RBFOX1: variants seen among roughly 807,000 people sequenced by gnomAD.
RBFOX1 encodes the protein RNA binding protein fox-1 homolog 1.
A neutral mutation model predicts 57.7 loss-of-function variants in RBFOX1; 8 were observed. The observed-to-expected ratio is 0.14, with a 90% CI of 0.08 to 0.25. RBFOX1 has a LOEUF of 0.25. Among genes scored for constraint, RBFOX1 ranks in the 10% least tolerant of loss-of-function variants. The pLI is 1.00. For missense variants in RBFOX1, 611 were observed against 548.5 expected (o/e 1.11, Z -1.14); for synonymous variants, 326 against 222.4 (o/e 1.47, Z -4.15).
intron 4 of RBFOX1, among the ~76,000 whole-genome samples, chr16:7,298,292 T>TG (rs1555681333): frequency 2.7e-4 from 39 of 145,696 alleles, no homozygotes; most frequent in African/African-American, 6.8e-4. Context: ...TTTGTTTTTT[T>TG]TTTTTTTTTT....
rs189868935 is a variant in RBFOX1 at position 7,230,870 on chromosome 16, T to G, written c.27+178772T>G. 2.6e-5 allele frequency among the ~76,000 whole-genome samples: 4 copies of G among 152,336 alleles called. No homozygotes were observed. The East Asian group carries it at 7.7e-4, about 29-fold the overall frequency. On this transcript the variant is annotated intron_variant, in intron 4 of 15. Coordinates refer to ENST00000550418, the MANE Select transcript of RBFOX1 (RefSeq NM_018723.4). ...AGGGCAGCTCATTTTATTCCTGGAC[T>G]ATAGTTCCTCATTTTGTAGAAATCA...
chr16:7,291,560 G>C (rs945725382), intron 4 of RBFOX1, among the ~76,000 whole-genome samples: 1 of 152,144 alleles, frequency 6.6e-6, no homozygotes, highest in Non-Finnish European at 1.5e-5. Context: ...CAGCTTTCAA[G>C]ATTAAGTAAA....
chr16:7,540,750 A>G (rs17144033), intron 5 of RBFOX1, among the ~76,000 whole-genome samples: 19,176 of 152,210 alleles, frequency 0.13, 1,285 homozygotes, highest in African/African-American at 0.18. Flanking sequence ...GAGATTCTTC[A>G]CCGAAGGGAG....
intron 3 of RBFOX1, among the ~76,000 whole-genome samples, chr16:5,694,793 G>GTTTGTT (rs141188870): frequency 2.0e-5 from 3 of 150,290 alleles, no homozygotes; most frequent in East Asian, 4.0e-4. Context: ...GGGGAGTTGG[G>GTTTGTT]TTTGTTTTTG....
intron 3 of RBFOX1, among the ~76,000 whole-genome samples, chr16:6,759,307 C>G (rs1001892222): frequency 6.6e-6 from 1 of 152,064 alleles, no homozygotes; most frequent in Non-Finnish European, 1.5e-5. Context: ...CATGGCACCA[C>G]AGCTGGCTAA....
At chr16:6,532,958 G>C (rs917241662) in intron 2 of RBFOX1, among the ~76,000 whole-genome samples, 1 of 152,270 alleles carries the variant, frequency 6.6e-6, no homozygotes, top group South Asian at 2.1e-4. Context: ...CAGTCTCCCA[G>C]TGTCCCTGTG....
rs191058757 is a variant in RBFOX1 at position 5,397,351 on chromosome 16, G to A, written c.220-69865G>A. On this transcript the variant is annotated intron_variant, in intron 1 of 2. Transcript: ENST00000585867. ...AAAGCTCTGGATGGTCTTGGGCTCT[G>A]AGTGCTGGGATCAGCATTTACTAGA... Among the ~76,000 whole-genome samples the A allele has an allele frequency of 3.3e-5, 5 of 152,324 alleles. No individual in the cohort carries two copies. The East Asian group carries it at 7.7e-4, about 24-fold the overall frequency.
intron 2 of RBFOX1, among the ~76,000 whole-genome samples, chr16:6,429,976 C>T (rs1383675226): frequency 1.3e-5 from 2 of 152,004 alleles, no homozygotes; most frequent in Non-Finnish European, 2.9e-5. Context: ...GGTATGGTGA[C>T]ACATGCCTGT....
chr16:7,536,443 A>C (rs1412759960), intron 5 of RBFOX1, among the ~76,000 whole-genome samples: 1 of 152,018 alleles, frequency 6.6e-6, no homozygotes, highest in Non-Finnish European at 1.5e-5. Flanking sequence ...AAAATACAAA[A>C]ATTAGCCAGG....
At chr16:6,055,152 G>C (rs1225501889) in intron 1 of RBFOX1, among the ~76,000 whole-genome samples, 3 of 152,070 alleles carry the variant, frequency 2.0e-5, no homozygotes, top group African/African-American at 7.2e-5. Flanking sequence ...GTCATTTATA[G>C]TATTTTGGAA....
chr16:7,019,059 T>C (rs2094069738), intron 3 of RBFOX1, among the ~76,000 whole-genome samples: 2 of 152,122 alleles, frequency 1.3e-5, no homozygotes, highest in Admixed American at 6.6e-5. Flanking sequence ...TCCTAGTTTT[T>C]AGAAGTGTGT....
intron 5 of RBFOX1, among the ~76,000 whole-genome samples, chr16:7,566,834 G>A (rs2091798555): frequency 6.6e-6 from 1 of 152,032 alleles, no homozygotes; most frequent in Non-Finnish European, 1.5e-5. Context: ...ATCCTCCAGG[G>A]AGCTTGTGAA....
intron 3 of RBFOX1, among the ~76,000 whole-genome samples, chr16:5,773,062 T>C (rs774463473): frequency 1.3e-5 from 2 of 152,090 alleles, no homozygotes; most frequent in Non-Finnish European, 2.9e-5. Context: ...AGGACACCGT[T>C]GGGACTTTTG....
At chr16:5,336,941 C>CT (rs2064912012) in intron 1 of RBFOX1, among the ~76,000 whole-genome samples, 1 of 152,228 alleles carries the variant, frequency 6.6e-6, no homozygotes, top group Non-Finnish European at 1.5e-5. Flanking sequence ...CTCCTGGCTG[C>CT]ATCTGACAGC....
intron 2 of RBFOX1, among the ~76,000 whole-genome samples, chr16:6,530,846 C>A (rs754837532): frequency 6.6e-6 from 1 of 152,132 alleles, no homozygotes; most frequent in Middle Eastern, 3.4e-3. Flanking sequence ...CACCGGATCC[C>A]TCCTACAACA....
At chr16:7,449,749 G>GT (rs369991488) in intron 4 of RBFOX1, among the ~76,000 whole-genome samples, 1 of 138,330 alleles carries the variant, frequency 7.2e-6, no homozygotes, top group East Asian at 2.2e-4. Flanking sequence ...GGGTTGTTTT[G>GT]TTTTGTTTTT....
intron 3 of RBFOX1, among the ~76,000 whole-genome samples, chr16:6,882,670 C>G (rs937265273): frequency 1.3e-5 from 2 of 151,978 alleles, no homozygotes; most frequent in Non-Finnish European, 2.9e-5. Context: ...TGGCAGGTAC[C>G]CATTGGCTGT....
At chr16:6,361,210 G>A (rs372850587) in intron 2 of RBFOX1, among the ~76,000 whole-genome samples, 7 of 152,086 alleles carry the variant, frequency 4.6e-5, no homozygotes, top group African/African-American at 1.7e-4. Context: ...ACCCAGTGTC[G>A]AGGAGAAGAA....
chr16:7,595,135 G>A (rs560745312), intron 7 of RBFOX1, among the ~76,000 whole-genome samples: 12 of 152,118 alleles, frequency 7.9e-5, no homozygotes, highest in Non-Finnish European at 1.3e-4. Flanking sequence ...GTTGAATTTC[G>A]TGCACACGTT....
Sources: allele counts gnomAD v4.1 joint callset (sites outside exome capture counted in the v4.1 genomes callset), GRCh38; gene constraint gnomAD v4.1.1; transcripts MANE v1.5; gene names NCBI Gene and HGNC (gene_info 2026-07-23, HGNC 2026-07-21).